GATAD2B: variants seen among roughly 807,000 people sequenced by gnomAD.
GATAD2B encodes the protein GATA zinc finger domain containing 2B, also known as transcriptional repressor p66-beta.
In GATAD2B, 8 loss-of-function variants were observed where a neutral mutation model predicts 64.3. That is an observed-to-expected ratio of 0.12 (90% CI 0.07 to 0.22). The LOEUF is 0.22. Among genes scored for constraint, GATAD2B ranks in the 10% least tolerant of loss-of-function variants. The pLI, the probability that GATAD2B is intolerant of heterozygous loss-of-function variation, is 1.00. For synonymous variants in GATAD2B, 281 were observed against 271.3 expected, an observed-to-expected ratio of 1.04 and a Z score of -0.35; for missense variants, 453 against 752.0, an observed-to-expected ratio of 0.60 and a Z score of 4.65.
chr1:153,834,268 T>G (rs1214642133), intron 1 of GATAD2B, among the ~76,000 whole-genome samples: 5 of 151,714 alleles, frequency 3.3e-5, no homozygotes, highest in African/African-American at 9.7e-5. Context: ...CCTCCCAAAG[T>G]GCTGGGATTA....
chr1:153,825,571 G>A (rs1674844839), intron 2 of GATAD2B, among the ~76,000 whole-genome samples: 2 of 152,056 alleles, frequency 1.3e-5, no homozygotes, highest in African/African-American at 4.8e-5. Flanking sequence ...ACACAGGTGT[G>A]TGCCACCACA....
At chr1:153,900,330 G>A (rs1677727023) in intron 1 of GATAD2B, among the ~76,000 whole-genome samples, 1 of 151,754 alleles carries the variant, frequency 6.6e-6, no homozygotes, top group Non-Finnish European at 1.5e-5. Context: ...TGAGGCAGGA[G>A]AATCACTTGA....
chr1:153,861,159 C>T (rs1313916232), intron 1 of GATAD2B, among the ~76,000 whole-genome samples: 3 of 152,140 alleles, frequency 2.0e-5, no homozygotes, highest in Non-Finnish European at 4.4e-5. Context: ...GATCCATATA[C>T]AAGGAGTCTC....
In GATAD2B at chr1:153,899,189, A is replaced by C. The variant is rs1384681007; in HGVS notation, c.-2+23544T>G. Among the ~76,000 whole-genome samples, 2 of 152,322 alleles carry C rather than the reference A, an allele frequency of 1.3e-5. 1 individual carries two copies. The highest frequency in any genetic ancestry group is 1.3e-4 in the Admixed American group (2 of 15,296). ...AGGACTGCTTGACCCAGAAGTTCGA[A>C]GCTGCAGTGACCATGCCTGTGAATA... On this transcript the variant is annotated intron_variant, in intron 1 of 10. Transcript: ENST00000368655.
At chr1:153,905,209 A>C (rs1677888470) in intron 1 of GATAD2B, among the ~76,000 whole-genome samples, 2 of 152,078 alleles carry the variant, frequency 1.3e-5, no homozygotes, top group South Asian at 4.1e-4. Flanking sequence ...CTCCGTCTCT[A>C]ATAAAAATAC....
intron 10 of GATAD2B, among the ~76,000 whole-genome samples, chr1:153,810,597 G>A (rs185912775): frequency 1.3e-3 from 203 of 152,190 alleles, no homozygotes; most frequent in Non-Finnish European, 1.6e-3. Flanking sequence ...TGGAATTATA[G>A]GCGCGTGCCA....
rs377508950 is a variant in GATAD2B, at chr1:153,863,237, T to C, written c.-1-34889A>G. 1.4e-3 allele frequency among the ~76,000 whole-genome samples: 217 copies of C among 152,110 alleles called. 1 individual carries two copies. Among genetic ancestry groups the C allele is most frequent in the African/African-American group, 5.0e-3 (208 of 41,514 alleles). ...GGCTCACGCCTGTGACCCCAACAGT[T>C]TGGGGGGCCGAGGCGGGTGGATCAC... On this transcript the variant is annotated intron_variant, in intron 1 of 10. Coordinates refer to ENST00000368655, the MANE Select transcript of GATAD2B (RefSeq NM_020699.4).
At chr1:153,872,943 T>C (rs1348541587) in intron 1 of GATAD2B, among the ~76,000 whole-genome samples, 1 of 152,184 alleles carries the variant, frequency 6.6e-6, no homozygotes, top group Non-Finnish European at 1.5e-5. Context: ...TAATTTTTAC[T>C]GCTTCATCAA....
chr1:153,808,327 T>C lies in GATAD2B; in HGVS notation c.*1850A>G, dbSNP rs1176224919. On this transcript the variant is annotated 3_prime_UTR_variant, in exon 11 of 11. Transcript: ENST00000368655. ...GCCAGGAAGGCCCGTAGGGCCAGTATAGTCACCCACAGTGGCACTGGGGTG... is the reference window on the plus strand; with the variant it reads ...GCCAGGAAGGCCCGTAGGGCCAGTACAGTCACCCACAGTGGCACTGGGGTG... The C allele has an allele frequency of 6.6e-6, 1 of 152,570 alleles. No individual in the cohort carries two copies. The highest frequency in any genetic ancestry group is 1.9e-4 in the East Asian group (1 of 5,194). The allele number at this position is 152,570 out of a possible 1,614,324, so 9.5% of individuals were successfully genotyped here. A position where few individuals can be genotyped will look rare whatever the true frequency, so the allele number is the denominator to read the frequency against.
At chr1:153,917,966 T>C (rs1379785841) in intron 1 of GATAD2B, among the ~76,000 whole-genome samples, 4 of 152,148 alleles carry the variant, frequency 2.6e-5, no homozygotes, top group Non-Finnish European at 5.9e-5. Context: ...GCAAAGACGT[T>C]AAGGAGGTGA....
In GATAD2B at chr1:153,857,788, T is replaced by C. The variant is rs532601238; in HGVS notation, c.-1-29440A>G. ...ACAGGAGACATCAATCAGCCAGAGG[T>C]CCAAGACCTGTTTACCCCTACGTAA... On this transcript the variant is annotated intron_variant, in intron 1 of 10. Transcript: ENST00000368655. Among the ~76,000 whole-genome samples the C allele has an allele frequency of 2.7e-3, 407 of 152,174 alleles. 4 individuals carry two copies. Among genetic ancestry groups the C allele is most frequent in the African/African-American group, 9.4e-3 (390 of 41,514 alleles).
chr1:153,903,034 G>A (rs750911864), intron 1 of GATAD2B, among the ~76,000 whole-genome samples: 2 of 152,044 alleles, frequency 1.3e-5, no homozygotes, highest in Non-Finnish European at 2.9e-5. Context: ...TGGCTAACAC[G>A]GTGAAACCTG....
At chr1:153,910,406 T>C (rs780986377) in intron 1 of GATAD2B, among the ~76,000 whole-genome samples, 2 of 152,192 alleles carry the variant, frequency 1.3e-5, no homozygotes, top group African/African-American at 4.8e-5. Context: ...TTTGGTATAA[T>C]ATTCAATAAA....
rs1195626420 is a variant in GATAD2B at position 153,818,967 on chromosome 1, G to A, written c.466-45C>T. On this transcript the variant is annotated intron_variant, in intron 3 of 10. Coordinates refer to ENST00000368655, the MANE Select transcript of GATAD2B (RefSeq NM_020699.4). ...TTCAGCTATGGCAGCAAGGTACCCA[G>A]AATTCCTTCCTGCAAGAGACAATCT... 3.1e-6 allele frequency: 5 copies of A among 1,592,050 alleles called. No individual in the cohort carries two copies. In the African/African-American group the frequency reaches 5.4e-5, roughly 17 times the overall value.
At chr1:153,893,954 CTAA>C (rs1677499452) in intron 1 of GATAD2B, among the ~76,000 whole-genome samples, 1 of 37,448 alleles carries the variant, frequency 2.7e-5, no homozygotes, top group Non-Finnish European at 5.7e-5. Flanking sequence ...AAGACTCCAT[CTAA>C]AAAAAAAAAA....
intron 1 of GATAD2B, among the ~76,000 whole-genome samples, chr1:153,860,222 G>A (rs539257547): frequency 5.9e-5 from 9 of 152,030 alleles, no homozygotes; most frequent in South Asian, 2.1e-4. Context: ...GGCCTGTCAA[G>A]GAATTTTGGA....
chr1:153,914,359 CAAAG>C lies in GATAD2B; in HGVS notation c.-2+8370_-2+8373del, dbSNP rs1381252971. On this transcript the variant is annotated intron_variant, in intron 1 of 10. Transcript: ENST00000368655. Reference sequence around the variant, plus strand: ...TACATGCATTATCTTATTTGACTGACAAAGAAACCTAGCGAAATAGATAAAGCAG... The same window carrying C: ...TACATGCATTATCTTATTTGACTGACAAACCTAGCGAAATAGATAAAGCAG... 8.0e-5 allele frequency among the ~76,000 whole-genome samples: 12 copies of C among 150,916 alleles called. No individual in the cohort carries two copies. The South Asian group carries it at 1.3e-3, about 16-fold the overall frequency.
intron 7 of GATAD2B, among the ~76,000 whole-genome samples, chr1:153,815,297 A>AAAAAAAAAAAAAAAAAG (rs1674438675): frequency 6.7e-6 from 1 of 148,582 alleles, no homozygotes; most frequent in Non-Finnish European, 1.5e-5. Flanking sequence ...AAAAAACAAA[A>AAAAAAAAAAAAAAAAAG]AAAAAAAAAA....
intron 1 of GATAD2B, among the ~76,000 whole-genome samples, chr1:153,887,742 T>C (rs1324824426): frequency 6.6e-6 from 1 of 152,142 alleles, no homozygotes; most frequent in Non-Finnish European, 1.5e-5. Flanking sequence ...GTAAGATAAC[T>C]GTAGAGGCCT....
Sources: gnomAD v4.1 joint callset for allele counts (sites outside exome capture counted in the v4.1 genomes callset) on GRCh38, gnomAD v4.1.1 for gene constraint, MANE v1.5 for transcripts, NCBI Gene and HGNC (gene_info 2026-07-23, HGNC 2026-07-21) for gene names.